KMT5C: variants seen among roughly 807,000 people sequenced by gnomAD.
KMT5C encodes the protein histone-lysine N-methyltransferase KMT5C.
Under a neutral mutation model 38.2 loss-of-function variants are expected in KMT5C, and 16 were observed. The ratio of observed to expected loss-of-function variants is 0.42; its 90% CI spans 0.28 to 0.64. The LOEUF is 0.64. KMT5C is among the 30% of genes least tolerant of loss of function. KMT5C has a pLI of 0.23. For synonymous variants in KMT5C, 291 were observed against 279.0 expected (o/e 1.04, Z -0.43); for missense variants, 598 against 665.1 (o/e 0.90, Z 1.11).
Position 55,347,221 on chromosome 19 carries a change from G to A in KMT5C, c.1161G>A (p.Gln387=), listed in dbSNP as rs1168306620. 1 of 1,541,710 alleles carries A rather than the reference G, an allele frequency of 6.5e-7. No homozygotes were observed. The highest frequency in any genetic ancestry group is 2.0e-5 in the Admixed American group (1 of 51,080). ...GQPPHARWAP[Q]QDWHWARRYG... ...CCCCCCACGCCCGCTGGGCCCCTCA[G>A]CAGGACTGGCACTGGGCCCGGCGCT... The change falls in exon 9 of 9, where the codon CAG becomes CAA. Residue 387 remains glutamine, a synonymous_variant. Transcript: ENST00000255613. The surrounding 1 kb of genome is among the most constrained non-coding windows in gnomAD (Gnocchi z 4.6).
In KMT5C at chr19:55,343,831, TTCA is replaced by T; in HGVS notation, c.542_544del (p.Ile181del). 1 of 1,613,574 alleles carries T rather than the reference TTCA, an allele frequency of 6.2e-7. No homozygotes were observed. Among genetic ancestry groups the T allele is most frequent in the Non-Finnish European group, 8.5e-7 (1 of 1,179,818 alleles). ...TCAGCTGTGGCTGGGCCCAGCCGCC[TTCA>T]TCAACCATGGTGAGGGTCAGGCAGG... On this transcript the variant is annotated inframe_deletion, in exon 5 of 9. Coordinates refer to ENST00000255613, the MANE Select transcript of KMT5C (RefSeq NM_032701.4). The surrounding 1 kb of genome is among the most constrained non-coding windows in gnomAD (Gnocchi z 5.5).
In KMT5C at chr19:55,347,432, G is replaced by A. The variant is rs751036138; in HGVS notation, c.1372G>A (p.Gly458Ser). The A allele has an allele frequency of 3.5e-5, 54 of 1,546,482 alleles. 1 individual carries two copies. Among genetic ancestry groups the A allele is most frequent in the South Asian group, 2.3e-4 (19 of 82,802 alleles). Reference sequence around the variant, plus strand: ...CCACGGCTCCATCGACCTGGATGTCGGCGGTGAAGAGCTGTGACAGGCCGG... The same window carrying A: ...CCACGGCTCCATCGACCTGGATGTCAGCGGTGAAGAGCTGTGACAGGCCGG... ...VSHGSIDLDVGGEEL is the reference protein window; with the variant it reads ...VSHGSIDLDVSGEEL Residue 458 changes from glycine to serine, a missense_variant, in exon 9 of 9, where the codon GGC (glycine) becomes AGC (serine). Physicochemically the swap from Gly to Ser is moderately conservative, Grantham distance 56. This residue lies in a region of KMT5C where 326 missense variants were observed against 298.1 expected (regional missense o/e 1.09). Transcript: ENST00000255613. This position sits in a 1 kb window ranked among gnomAD's most constrained non-coding sequence, Gnocchi z 4.6.
intron 6 of KMT5C, among the ~76,000 whole-genome samples, chr19:55,345,493 G>A (rs1041553172): frequency 6.6e-6 from 1 of 152,218 alleles, no homozygotes; most frequent in Admixed American, 6.5e-5. Context: ...GGGGAGGCGA[G>A]GAGGATGAGG....
chr19:55,345,957 G>A lies in KMT5C; in HGVS notation c.571-256G>A, dbSNP rs548072978. 83 of 540,710 alleles carry A rather than the reference G, an allele frequency of 1.5e-4. 3 individuals are homozygous for A. Among genetic ancestry groups the A allele is most frequent in the South Asian group, 1.2e-3 (59 of 48,426 alleles). The allele number at this position is 540,710 out of a possible 1,614,324, so 33.5% of individuals were successfully genotyped here. On this transcript the variant is annotated intron_variant, in intron 6 of 8. Coordinates refer to ENST00000255613, the MANE Select transcript of KMT5C (RefSeq NM_032701.4). Reference sequence around the variant, plus strand: ...GTGGTCACCACTGCTGGCACTGCACGCTGCCAGAAGGTCAGGTTAGATCAT... The same window carrying A: ...GTGGTCACCACTGCTGGCACTGCACACTGCCAGAAGGTCAGGTTAGATCAT...
rs1177976529 is a variant in KMT5C at position 55,345,155 on chromosome 19, C to A, written c.571-1058C>A. ...CGGCCAGCTCTCCAGCGATCTAGAA[C>A]CATCTGGCTTCACAGAAGCCATGCT... On this transcript the variant is annotated intron_variant, in intron 6 of 8. Coordinates refer to ENST00000255613, the MANE Select transcript of KMT5C (RefSeq NM_032701.4). The A allele has an allele frequency of 1.2e-5, 5 of 430,196 alleles. No homozygotes were observed. In the East Asian group the frequency reaches 2.8e-4, roughly 24 times the overall value. The allele number at this position is 430,196 out of a possible 1,614,324, so 26.6% of individuals were successfully genotyped here. A position where few individuals can be genotyped will look rare whatever the true frequency, so the allele number is the denominator to read the frequency against.
Position 55,341,834 on chromosome 19 carries a change from A to T in KMT5C, c.-103A>T. ...TCACCAGCGTCCCCCATGGCTTCTG[A>T]GTAGCGTGGGAGTGGAGTCAGCACC... On this transcript the variant is annotated 5_prime_UTR_variant, in exon 2 of 9. Coordinates refer to ENST00000255613, the MANE Select transcript of KMT5C (RefSeq NM_032701.4). 1 of 833,460 alleles carries T rather than the reference A, an allele frequency of 1.2e-6. No individual in the cohort carries two copies. The highest frequency in any genetic ancestry group is 2.0e-6 in the Non-Finnish European group (1 of 493,268). The allele number at this position is 833,460 out of a possible 1,614,324, so 51.6% of individuals were successfully genotyped here.
At chr19:55,346,769 C>T in intron 8 of KMT5C, 82 bp downstream of exon 8, 1 of 1,265,164 alleles carries the variant, frequency 7.9e-7, no homozygotes, top group Non-Finnish European at 1.1e-6. Flanking sequence ...GAGCTCTCTG[C>T]CTAGCCTGGA....
chr19:55,346,745 G>C, intron 8 of KMT5C, 58 bp downstream of exon 8: 5 of 1,391,984 alleles, frequency 3.6e-6, no homozygotes, highest in Non-Finnish European at 4.8e-6. Context: ...CTGGTCATCT[G>C]TCTCCTTTCT....
Position 55,343,582 on chromosome 19 carries a change from C to G in KMT5C, c.387-98C>G. On this transcript the variant is annotated intron_variant, in intron 4 of 8. Transcript: ENST00000255613. The surrounding 1 kb of genome is among the most constrained non-coding windows in gnomAD (Gnocchi z 5.5). ...AGCCAGCACCAGCGCCCAGGAGTCC[C>G]TCCTTCCTGGGTGCCTCTGTGCCGG... 8.2e-7 allele frequency: 1 copy of G among 1,213,606 alleles called. No homozygotes were observed. The highest frequency in any genetic ancestry group is 1.2e-6 in the Non-Finnish European group (1 of 864,990). 75.2% of individuals were successfully genotyped at this position (1,213,606 alleles called of 1,614,324 possible). A position where few individuals can be genotyped will look rare whatever the true frequency, so the allele number is the denominator to read the frequency against.
intron 3 of KMT5C, 42 bp downstream of exon 3, chr19:55,342,422 C>T (rs1371098730): frequency 1.4e-6 from 2 of 1,398,888 alleles, no homozygotes; most frequent in Admixed American, 5.3e-5. Context: ...CGCGTGTCCT[C>T]CCCGCTCACC....
chr19:55,345,195 G>A (rs2089604038), intron 6 of KMT5C: 1 of 390,560 alleles, frequency 2.6e-6, no homozygotes, highest in African/African-American at 2.1e-5. Context: ...ATCGACGGAG[G>A]AGTAGAATTT....
rs1280844323 is a variant in KMT5C, at chr19:55,347,480, G to A, written c.*31G>A. On this transcript the variant is annotated 3_prime_UTR_variant, in exon 9 of 9. Coordinates refer to ENST00000255613, the MANE Select transcript of KMT5C (RefSeq NM_032701.4). The surrounding 1 kb of genome is among the most constrained non-coding windows in gnomAD (Gnocchi z 4.6). Reference sequence around the variant, plus strand: ...CGGACGGGGAGGCCCAGCAGGGAGAGAGGGTCTCTCTCCTAGCTGCTACCC... The same window carrying A: ...CGGACGGGGAGGCCCAGCAGGGAGAAAGGGTCTCTCTCCTAGCTGCTACCC... 10 of 1,510,210 alleles carry A rather than the reference G, an allele frequency of 6.6e-6. No homozygotes were observed. The East Asian group carries it at 2.3e-4, about 34-fold the overall frequency. The allele number at this position is 1,510,210 out of a possible 1,614,324, so 93.6% of individuals were successfully genotyped here.
In KMT5C at chr19:55,343,947, C is replaced by G. The variant is rs745999916; in HGVS notation, c.551-31C>G. 6.2e-7 allele frequency: 1 copy of G among 1,611,384 alleles called. No homozygotes were observed. Among genetic ancestry groups the G allele is most frequent in the Non-Finnish European group, 8.5e-7 (1 of 1,177,800 alleles). On this transcript the variant is annotated intron_variant, in intron 5 of 8. Transcript: ENST00000255613. This position sits in a 1 kb window ranked among gnomAD's most constrained non-coding sequence, Gnocchi z 5.5. ...ACTGAGCTGCCGAGCTCATCTACCTCTCTTCTCTCTCCTGCCCCAACTGGC... is the reference window on the plus strand; with the variant it reads ...ACTGAGCTGCCGAGCTCATCTACCTGTCTTCTCTCTCCTGCCCCAACTGGC...
In KMT5C at chr19:55,347,284, C is replaced by T; in HGVS notation, c.1224C>T (p.Arg408=). The change falls in exon 9 of 9, where the codon CGC becomes CGT. Residue 408 remains arginine (R), a synonymous_variant. Coordinates refer to ENST00000255613, the MANE Select transcript of KMT5C (RefSeq NM_032701.4). This position sits in a 1 kb window ranked among gnomAD's most constrained non-coding sequence, Gnocchi z 4.6. ...LPYVVRVDLR[R]LAPAPPATPA... ...ACGTGGTGCGTGTGGACCTTCGTCG[C>T]CTGGCCCCAGCCCCACCAGCTACCC... 1.9e-6 allele frequency: 3 copies of T among 1,562,096 alleles called. No individual in the cohort carries two copies. The highest frequency in any genetic ancestry group is 2.3e-5 in the South Asian group (2 of 85,604).
rs754434361 is a variant in KMT5C, at chr19:55,343,889, A to G, written c.550+46A>G. 5 of 1,607,694 alleles carry G rather than the reference A, an allele frequency of 3.1e-6. No homozygotes were observed. The highest frequency in any genetic ancestry group is 4.3e-6 in the Non-Finnish European group (5 of 1,174,840). On this transcript the variant is annotated intron_variant, in intron 5 of 8. Transcript: ENST00000255613. This position sits in a 1 kb window ranked among gnomAD's most constrained non-coding sequence, Gnocchi z 5.5. ...TGGGCAGGACGGGATAGAGCCAGGC[A>G]GGGCTGGAGGGGTGTAGTGGGAGGG...
At chr19:55,344,466 G>C (rs1162075647) in intron 6 of KMT5C, 2 of 352,772 alleles carry the variant, frequency 5.7e-6, no homozygotes, top group African/African-American at 4.3e-5. Context: ...CTACCAGAAA[G>C]GAGGAAGGGG....
chr19:55,345,944 G>A, intron 6 of KMT5C: 1 of 519,526 alleles, frequency 1.9e-6, no homozygotes, highest in South Asian at 2.1e-5. Flanking sequence ...GGTCACCACT[G>A]CTGGCACTGC....
intron 3 of KMT5C, 65 bp from the exon 4 acceptor site, chr19:55,342,677 C>G (rs2089573019): frequency 2.1e-6 from 2 of 936,252 alleles, no homozygotes; most frequent in Admixed American, 1.8e-5. Flanking sequence ...GGCCTAGAGT[C>G]CTGGAGAGAG....
chr19:55,346,993 C>T lies in KMT5C; in HGVS notation c.933C>T (p.Ala311=). 4.0e-6 allele frequency: 5 copies of T among 1,240,794 alleles called. No homozygotes were observed. In the South Asian group the frequency reaches 4.8e-5, roughly 12 times the overall value. The allele number at this position is 1,240,794 out of a possible 1,614,324, so 76.9% of individuals were successfully genotyped here. Reference sequence around the variant, plus strand: ...CCCTGCGCCTGCCAGCCTGCAGCGCCCGCCCAGACACCTCACCCCTCTGGC... The same window carrying T: ...CCCTGCGCCTGCCAGCCTGCAGCGCTCGCCCAGACACCTCACCCCTCTGGC... ...CQPLRLPACS[A]RPDTSPLWLQ... is the part of the protein sequence containing the mutation. Residue 311 remains alanine, a synonymous_variant, in exon 9 of 9, where the codon GCC becomes GCT. Coordinates refer to ENST00000255613, the MANE Select transcript of KMT5C (RefSeq NM_032701.4).
Sources: gnomAD v4.1 joint callset for allele counts (sites outside exome capture counted in the v4.1 genomes callset) on GRCh38, gnomAD v4.1.1 for gene constraint, gnomAD v4.1.1 regional missense constraint, Gnocchi (gnomAD v3.1) non-coding constraint, MANE v1.5 for transcripts, NCBI Gene and HGNC (gene_info 2026-07-23, HGNC 2026-07-21) for gene names.